The following SEZ6L2 variants were observed in gnomAD, a reference collection of about 807,000 sequenced individuals.
The protein encoded by SEZ6L2 is seizure related 6 homolog like 2.
A neutral mutation model predicts 97.0 loss-of-function variants in SEZ6L2; 44 were observed. That is an observed-to-expected ratio of 0.45 (90% CI 0.36 to 0.58). The LOEUF is 0.58. Ranked by LOEUF, SEZ6L2 falls within the 20% of genes least tolerant of loss-of-function variation. The pLI is 0.00. For synonymous variants in SEZ6L2, 543 were observed against 546.1 expected (o/e 0.99, Z 0.08); for missense variants, 1,086 against 1,233.3 (o/e 0.88, Z 1.79).
chr16:29,898,372 G>A (rs184350957), intron 1 of SEZ6L2, among the ~76,000 whole-genome samples: 2 of 151,988 alleles, frequency 1.3e-5, no homozygotes, highest in East Asian at 1.9e-4. Flanking sequence ...CCTTGCTTCC[G>A]CAGTGCCTGG....
chr16:29,883,378 C>T (rs1339268091), intron 8 of SEZ6L2, among the ~76,000 whole-genome samples: 1 of 152,046 alleles, frequency 6.6e-6, no homozygotes, highest in Non-Finnish European at 1.5e-5. Context: ...GCAATCATAG[C>T]TCACTGCAAC....
Position 29,887,769 on chromosome 16 carries a change from G to T in SEZ6L2, c.1088C>A (p.Ser363Tyr). The T allele has an allele frequency of 1.2e-6, 2 of 1,613,952 alleles. No individual in the cohort carries two copies. The highest frequency in any genetic ancestry group is 1.7e-6 in the Non-Finnish European group (2 of 1,179,954). Residue 363 changes from serine (S) to tyrosine (Y), a missense_variant, in exon 7 of 18, where the codon TCC becomes TAC. Coordinates refer to ENST00000617533, the MANE Select transcript of SEZ6L2 (RefSeq NM_001243332.2). ...CCCTACGGCTCCCCCAGGCTCTGGG[G>T]ACACGATGCGGCCCAGGGTGGCATT... ...IHNATLGRIV[S>Y]PEPGGAVGPN...
chr16:29,890,106 AC>A (rs1596985159), intron 5 of SEZ6L2, among the ~76,000 whole-genome samples: 1 of 151,962 alleles, frequency 6.6e-6, no homozygotes, highest in East Asian at 1.9e-4. Flanking sequence ...ATGGGATTTT[AC>A]CATGTTGGCC....
chr16:29,877,745 T>C (rs1487416365), intron 10 of SEZ6L2, among the ~76,000 whole-genome samples: 5 of 152,120 alleles, frequency 3.3e-5, no homozygotes. Flanking sequence ...CACTCCCTCC[T>C]CCATCACCAT....
chr16:29,897,112 C>A lies in SEZ6L2; in HGVS notation c.221G>T (p.Arg74Leu), dbSNP rs11649499. 120 of 1,567,364 alleles carry A rather than the reference C, an allele frequency of 7.7e-5. 1 individual carries two copies. The South Asian group carries it at 1.2e-3, about 16-fold the overall frequency. ...PEMGYLPGSD[R>L]DPTLATPPAG... ...CGGAGGGGTGGCTAGCGTGGGGTCC[C>A]GATCAGATCCTGGGACAGTGCAGGG... is the stretch of plus-strand genomic sequence containing the variant. The change falls in exon 3 of 18, where the codon CGG becomes CTG. Residue 74 changes from arginine (R) to leucine (L), a missense_variant. By Grantham distance (102) the Arg-to-Leu change is moderately radical. Around this residue, in one of 2 missense-constraint regions of SEZ6L2, gnomAD observed 776 missense variants for 794.7 expected, o/e 0.98. Transcript: ENST00000617533.
intron 7 of SEZ6L2, among the ~76,000 whole-genome samples, 181 bp downstream of exon 7, chr16:29,887,468 T>G: frequency 9.2e-6 from 1 of 109,052 alleles, no homozygotes; most frequent in African/African-American, 5.9e-5. Flanking sequence ...GCCCGGCTAA[T>G]TTTTTTTTTT....
At position 29,876,857 on chromosome 16, in the gene SEZ6L2, A is replaced by C; in HGVS notation, c.2003T>G (p.Leu668Arg). 1 of 1,613,200 alleles carries C rather than the reference A, an allele frequency of 6.2e-7. No individual in the cohort carries two copies. The highest frequency in any genetic ancestry group is 8.5e-7 in the Non-Finnish European group (1 of 1,179,708). Residue 668 changes from leucine (L) to arginine (R), a missense_variant, in exon 12 of 18, where the codon CTC becomes CGC. Physicochemically the swap from Leu to Arg is moderately radical, Grantham distance 102. Around this residue, in one of 2 missense-constraint regions of SEZ6L2, gnomAD observed 310 missense variants for 438.6 expected, o/e 0.71. Coordinates refer to ENST00000617533, the MANE Select transcript of SEZ6L2 (RefSeq NM_001243332.2). The surrounding 1 kb of genome is among the most constrained non-coding windows in gnomAD (Gnocchi z 6.5). Reference sequence around the variant, plus strand: ...GTAGCCAGGCTCGCACTGGTAGGTGAGCACCGTGCCCCGGATCAGGTCCCC... The same window carrying C: ...GTAGCCAGGCTCGCACTGGTAGGTGCGCACCGTGCCCCGGATCAGGTCCCC... ...SHGDLIRGTV[L>R]TYQCEPGYEL...
At chr16:29,880,477 G>A (rs546030990) in intron 8 of SEZ6L2, among the ~76,000 whole-genome samples, 3 of 152,124 alleles carry the variant, frequency 2.0e-5, no homozygotes, top group East Asian at 1.9e-4. Flanking sequence ...GTGCTACTAC[G>A]CCTGGCTAAT....
At position 29,899,156 on chromosome 16, in the gene SEZ6L2, GAC is replaced by G. The variant is rs1329390533; in HGVS notation, c.-139_-138del. ...TTCCTCGTAGGAGTCAGCAAAGAAA[GAC>G]AATTTCTCTGCCCCTTGGGATGGAG... is the stretch of plus-strand genomic sequence containing the variant. On this transcript the variant is annotated 5_prime_UTR_variant, in exon 1 of 18. Coordinates refer to ENST00000617533, the MANE Select transcript of SEZ6L2 (RefSeq NM_001243332.2). 1.5e-6 allele frequency: 1 copy of G among 651,502 alleles called. No individual in the cohort carries two copies. The highest frequency in any genetic ancestry group is 2.5e-6 in the Non-Finnish European group (1 of 406,840). The allele number at this position is 651,502 out of a possible 1,614,324, so 40.4% of individuals were successfully genotyped here. A position where few individuals can be genotyped will look rare whatever the true frequency, so the allele number is the denominator to read the frequency against.
chr16:29,896,840 T>G lies in SEZ6L2; in HGVS notation c.493A>C (p.Thr165Pro). The change falls in exon 3 of 18, where the codon ACT becomes CCT. Residue 165 changes from threonine (T) to proline (P), a missense_variant. Physicochemically the swap from Thr to Pro is conservative, Grantham distance 38 (BLOSUM62 -1). Transcript: ENST00000617533. The part of the protein sequence containing the change: ...TTIITTTTVT[T>P]TVTSPVLCNN... ...GCCTCACCTGGGCTGGTCACCGTAG[T>G]GGTAACAGTTGTCGTGGTGATGATG... The G allele has an allele frequency of 1.2e-6, 2 of 1,613,954 alleles. No individual in the cohort carries two copies. The highest frequency in any genetic ancestry group is 2.2e-5 in the South Asian group (2 of 91,074).
At chr16:29,890,044 G>A (rs985223704) in intron 5 of SEZ6L2, among the ~76,000 whole-genome samples, 2 of 152,096 alleles carry the variant, frequency 1.3e-5, no homozygotes, top group Non-Finnish European at 2.9e-5. Flanking sequence ...AAGTAGCTGG[G>A]ATTACAGGTG....
At position 29,871,231 on chromosome 16, in the gene SEZ6L2, G is replaced by A. The variant is rs1014038526; in HGVS notation, c.*468C>T. 14 of 203,442 alleles carry A rather than the reference G, an allele frequency of 6.9e-5. No individual in the cohort carries two copies. Among genetic ancestry groups the A allele is most frequent in the Non-Finnish European group, 1.0e-5 (1 of 97,390 alleles). The allele number at this position is 203,442 out of a possible 1,614,324, so 12.6% of individuals were successfully genotyped here. A position where few individuals can be genotyped will look rare whatever the true frequency, so the allele number is the denominator to read the frequency against. On this transcript the variant is annotated 3_prime_UTR_variant, in exon 18 of 18. Transcript: ENST00000617533. The stretch of plus-strand genomic sequence containing the variant: ...AGCAAAGGTGGAGAGACTGTGGGTT[G>A]GGGAGATGGCAGGAAGGGGGCAAGG...
At position 29,897,920 on chromosome 16, in the gene SEZ6L2, AGAGGCCACC is replaced by A. The variant is rs746007508; in HGVS notation, c.135_143del (p.Val46_Ser48del). The A allele has an allele frequency of 3.9e-5, 63 of 1,613,644 alleles. No homozygotes were observed. The highest frequency in any genetic ancestry group is 5.3e-5 in the Non-Finnish European group (62 of 1,179,858). ...CATGAAGCAGTTCAGCCAGGGCCTC[AGAGGCCACC>A]GTGGGGGTCTCACTTCCAGGCTCTG... On this transcript the variant is annotated inframe_deletion, in exon 2 of 18. Transcript: ENST00000617533.
chr16:29,878,324 C>T lies in SEZ6L2; in HGVS notation c.1675G>A (p.Val559Ile). The change falls in exon 10 of 18, where the codon GTC becomes ATC. Residue 559 changes from valine to isoleucine, a missense_variant. Around this residue, in one of 2 missense-constraint regions of SEZ6L2, gnomAD observed 776 missense variants for 794.7 expected, o/e 0.98. Transcript: ENST00000617533. ...AGCAAGATGCGCTTCTCTTCCTGGA[C>T]GTGCACGCCCCACACGCAGTCTTGG... ...PGQDCVWGVH[V>I]QEEKRILLQV... 5 of 1,598,788 alleles carry T rather than the reference C, an allele frequency of 3.1e-6. No homozygotes were observed. The highest frequency in any genetic ancestry group is 4.5e-5 in the East Asian group (2 of 43,990).
chr16:29,877,155 C>T (rs2067922974), intron 11 of SEZ6L2, 116 bp downstream of exon 11: 1 of 1,237,084 alleles, frequency 8.1e-7, no homozygotes, highest in Non-Finnish European at 1.1e-6. Context: ...AACGATCCTC[C>T]CGCCTCGGCC....
chr16:29,877,617 T>A lies in SEZ6L2; in HGVS notation c.1713-150A>T. The A allele has an allele frequency of 4.1e-6, 3 of 738,228 alleles. No homozygotes were observed. In the South Asian group the frequency reaches 6.2e-5, roughly 15 times the overall value. The allele number at this position is 738,228 out of a possible 1,614,324, so 45.7% of individuals were successfully genotyped here. A position where few individuals can be genotyped will look rare whatever the true frequency, so the allele number is the denominator to read the frequency against. On this transcript the variant is annotated intron_variant, in intron 10 of 17. Coordinates refer to ENST00000617533, the MANE Select transcript of SEZ6L2 (RefSeq NM_001243332.2). Reference sequence around the variant, plus strand: ...TATCCCAGGTCTGGCGCCGCCTCCGTTTTGACCAACCATGGTTTCTCCTAT... The same window carrying A: ...TATCCCAGGTCTGGCGCCGCCTCCGATTTGACCAACCATGGTTTCTCCTAT...
chr16:29,892,231 G>T (rs2068285437), intron 5 of SEZ6L2, among the ~76,000 whole-genome samples: 1 of 152,228 alleles, frequency 6.6e-6, no homozygotes, highest in Non-Finnish European at 1.5e-5. Context: ...GTGCAGGTTG[G>T]GAAGGGCTGA....
Position 29,898,835 on chromosome 16 carries a change from C to T in SEZ6L2, c.79+106G>A, listed in dbSNP as rs559534538. 3.3e-3 allele frequency: 2,828 copies of T among 867,812 alleles called. 21 individuals are homozygous for T. The highest frequency in any genetic ancestry group is 0.013 in the Middle Eastern group (50 of 3,808). The allele number at this position is 867,812 out of a possible 1,614,324, so 53.8% of individuals were successfully genotyped here. A position where few individuals can be genotyped will look rare whatever the true frequency, so the allele number is the denominator to read the frequency against. On this transcript the variant is annotated intron_variant, in intron 1 of 17. Coordinates refer to ENST00000617533, the MANE Select transcript of SEZ6L2 (RefSeq NM_001243332.2). ...CCCCTTCCCCATCAGCTGTGCCTCTCCCCTCCCCCATGTGCTCGGAAGACC... is the reference window on the plus strand; with the variant it reads ...CCCCTTCCCCATCAGCTGTGCCTCTTCCCTCCCCCATGTGCTCGGAAGACC...
chr16:29,896,907 A>T lies in SEZ6L2; in HGVS notation c.426T>A (p.Pro142=). The change falls in exon 3 of 18, where the codon CCT becomes CCA. Residue 142 remains proline (P), a synonymous_variant. Coordinates refer to ENST00000617533, the MANE Select transcript of SEZ6L2 (RefSeq NM_001243332.2). ...PPPPSPASPG[P]PLGPEGGEEE... ...CCTCTCCTCCCTCAGGCCCAAGGGG[A>T]GGCCCTGGGGAGGCAGGGCTGGGTG... 1 of 1,579,828 alleles carries T rather than the reference A, an allele frequency of 6.3e-7. No homozygotes were observed. Among genetic ancestry groups the T allele is most frequent in the Non-Finnish European group, 8.7e-7 (1 of 1,149,426 alleles).
Sources: allele counts gnomAD v4.1 joint callset (sites outside exome capture counted in the v4.1 genomes callset), GRCh38; gene constraint gnomAD v4.1.1; regional missense constraint gnomAD v4.1.1; non-coding constraint Gnocchi (gnomAD v3.1); transcripts MANE v1.5; gene names NCBI Gene and HGNC (gene_info 2026-07-23, HGNC 2026-07-21).